The following PPP1R9A variants were observed in gnomAD, a reference collection of about 807,000 sequenced individuals.
PPP1R9A encodes neurabin-1.
PPP1R9A carries 59 observed loss-of-function variants against 141.9 expected under a neutral mutation model. The observed-to-expected ratio is 0.42, with a 90% CI of 0.34 to 0.52. PPP1R9A has a LOEUF of 0.52. Among genes scored for constraint, PPP1R9A ranks in the 20% least tolerant of loss-of-function variants. The pLI is 0.10. For missense variants in PPP1R9A, 1,444 were observed against 1,611.9 expected (o/e 0.90, Z 1.78); for synonymous variants, 500 against 569.7 (o/e 0.88, Z 1.74).
chr7:95,016,414 C>G (rs575065114), intron 2 of PPP1R9A, among the ~76,000 whole-genome samples: 1 of 151,864 alleles, frequency 6.6e-6, no homozygotes, highest in South Asian at 2.1e-4. Flanking sequence ...CATTGAAAAG[C>G]TGGTAATTAT....
At chr7:95,175,746 ATG>A (rs1249921393) in intron 5 of PPP1R9A, among the ~76,000 whole-genome samples, 1 of 152,130 alleles carries the variant, frequency 6.6e-6, no homozygotes, top group African/African-American at 2.4e-5. Context: ...TCTGCTACCC[ATG>A]ATCAATAACT....
intron 2 of PPP1R9A, among the ~76,000 whole-genome samples, chr7:95,009,716 G>A (rs1038824144): frequency 6.6e-6 from 1 of 152,240 alleles, no homozygotes; most frequent in Non-Finnish European, 1.5e-5. Context: ...ACAGCCAGTT[G>A]AAATGAAAGG....
At chr7:94,965,394 C>T (rs1367005785) in intron 2 of PPP1R9A, among the ~76,000 whole-genome samples, 3 of 152,124 alleles carry the variant, frequency 2.0e-5, no homozygotes, top group East Asian at 1.9e-4. Context: ...AGTCTTTGCC[C>T]ATACCTATGT....
At chr7:95,264,499 A>G (rs1800951331) in intron 12 of PPP1R9A, among the ~76,000 whole-genome samples, 1 of 152,220 alleles carries the variant, frequency 6.6e-6, no homozygotes, top group Non-Finnish European at 1.5e-5. Flanking sequence ...TCTGTGTAAT[A>G]TGATATATAG....
intron 5 of PPP1R9A, among the ~76,000 whole-genome samples, chr7:95,183,193 A>G (rs962750394): frequency 2.8e-4 from 42 of 152,062 alleles, no homozygotes; most frequent in African/African-American, 9.6e-4. Flanking sequence ...GCTAGAGTGC[A>G]GTGGTGCAAT....
At chr7:95,156,144 T>C (rs1277621320) in intron 4 of PPP1R9A, 5 of 152,344 alleles carry the variant, frequency 3.3e-5, no homozygotes, top group Admixed American at 3.3e-4. Context: ...TGAGGGAGCA[T>C]GGGGTTCAGC....
Position 94,930,539 on chromosome 7 carries a change from G to C in PPP1R9A, c.1395+19031G>C, listed in dbSNP as rs939351133. 3.9e-5 allele frequency among the ~76,000 whole-genome samples: 6 copies of C among 152,176 alleles called. 1 individual carries two copies. The South Asian group carries it at 1.2e-3, about 32-fold the overall frequency. On this transcript the variant is annotated intron_variant, in intron 2 of 19. Coordinates refer to ENST00000433360, the MANE Select transcript of PPP1R9A (RefSeq NM_001166160.2). ...TTTTTAGTAGAGACGGCGTTTCACT[G>C]TGTTGGTCAGGCCAGTCTCCAACTC...
At chr7:95,247,621 A>G in intron 9 of PPP1R9A, 95 bp downstream of exon 9, 2 of 1,041,900 alleles carry the variant, frequency 1.9e-6, no homozygotes, top group East Asian at 2.5e-5. Context: ...GTCCCTGTAT[A>G]TTTGAAAGAA....
At chr7:95,175,499 T>TA (rs201164911) in intron 5 of PPP1R9A, among the ~76,000 whole-genome samples, 11,927 of 143,876 alleles carry the variant, frequency 0.083, 1,008 homozygotes, top group African/African-American at 0.22. Flanking sequence ...CCTTTGCCTT[T>TA]AAAAAAAAAA....
chr7:95,135,526 CA>C (rs906604054), intron 4 of PPP1R9A, among the ~76,000 whole-genome samples: 6 of 152,062 alleles, frequency 3.9e-5, no homozygotes, highest in African/African-American at 1.2e-4. Flanking sequence ...TATTTTTGCC[CA>C]TTAAGGCAAT....
chr7:94,988,237 A>G (rs1193577268), intron 2 of PPP1R9A, among the ~76,000 whole-genome samples: 1 of 152,106 alleles, frequency 6.6e-6, no homozygotes, highest in Non-Finnish European at 1.5e-5. Context: ...TTCTGGAGGA[A>G]ATACCTCAGT....
intron 2 of PPP1R9A, among the ~76,000 whole-genome samples, chr7:94,963,753 A>G (rs544511389): frequency 1.3e-5 from 2 of 152,270 alleles, no homozygotes; most frequent in South Asian, 2.1e-4. Context: ...TACTTTATGT[A>G]TTAGGCAAGC....
At chr7:95,017,443 C>G (rs1805255438) in intron 2 of PPP1R9A, among the ~76,000 whole-genome samples, 1 of 152,104 alleles carries the variant, frequency 6.6e-6, no homozygotes, top group South Asian at 2.1e-4. Flanking sequence ...TTCATTTATC[C>G]TAACAGCGTA....
At chr7:95,279,501 A>AT (rs1803774701) in intron 16 of PPP1R9A, among the ~76,000 whole-genome samples, 1 of 152,184 alleles carries the variant, frequency 6.6e-6, no homozygotes. Flanking sequence ...TGTCTAGCCC[A>AT]TTTTTAGCTG....
chr7:94,924,274 A>T (rs558757152), intron 2 of PPP1R9A, among the ~76,000 whole-genome samples: 10 of 152,300 alleles, frequency 6.6e-5, no homozygotes, highest in African/African-American at 1.9e-4. Flanking sequence ...CATGTACCCA[A>T]TCAAGTTTGA....
intron 5 of PPP1R9A, among the ~76,000 whole-genome samples, chr7:95,185,925 G>A (rs1477051744): frequency 6.6e-6 from 1 of 151,068 alleles, no homozygotes; most frequent in Non-Finnish European, 1.5e-5. Context: ...TTTTGGTATA[G>A]CCATGTAGTA....
At chr7:95,182,120 A>G (rs1203438752) in intron 5 of PPP1R9A, among the ~76,000 whole-genome samples, 1 of 151,998 alleles carries the variant, frequency 6.6e-6, no homozygotes, top group Non-Finnish European at 1.5e-5. Context: ...AAATCACTAA[A>G]GGACTTACTC....
chr7:94,973,087 T>C (rs1474745593), intron 2 of PPP1R9A, among the ~76,000 whole-genome samples: 2 of 152,204 alleles, frequency 1.3e-5, no homozygotes, highest in African/African-American at 2.4e-5. Context: ...TTTAAAACAA[T>C]GCTGAGATTT....
At chr7:94,924,426 T>G (rs1793206728) in intron 2 of PPP1R9A, among the ~76,000 whole-genome samples, 1 of 152,234 alleles carries the variant, frequency 6.6e-6, no homozygotes, top group African/African-American at 2.4e-5. Flanking sequence ...TTTGCAGATG[T>G]GGCAATCAGA....
Sources: allele counts gnomAD v4.1 joint callset (sites outside exome capture counted in the v4.1 genomes callset), GRCh38; gene constraint gnomAD v4.1.1; transcripts MANE v1.5; gene names NCBI Gene and HGNC (gene_info 2026-07-23, HGNC 2026-07-21).